The following ZNF385D variants were observed in gnomAD, a reference collection of about 807,000 sequenced individuals.
ZNF385D encodes zinc finger protein 659.
ZNF385D carries 15 observed loss-of-function variants against 35.8 expected under a neutral mutation model. That is an observed-to-expected ratio of 0.42 (90% confidence interval 0.28 to 0.64). ZNF385D has a LOEUF of 0.64. ZNF385D is among the 30% of genes least tolerant of loss of function. The pLI is 0.23. For missense variants in ZNF385D, 474 were observed against 494.6 expected (o/e 0.96, Z 0.39); for synonymous variants, 212 against 186.8 (o/e 1.13, Z -1.10).
chr3:22,303,262 TAA>T (rs1703009144), intron 2 of ZNF385D, among the ~76,000 whole-genome samples: 1 of 152,192 alleles, frequency 6.6e-6, no homozygotes, highest in African/African-American at 2.4e-5. Context: ...TACTTCACAG[TAA>T]ACTGGTTTAC....
At chr3:21,561,007 G>C (rs2062925195) in intron 3 of ZNF385D, among the ~76,000 whole-genome samples, 1 of 152,112 alleles carries the variant, frequency 6.6e-6, no homozygotes, top group Non-Finnish European at 1.5e-5. Context: ...AACCAAGCTG[G>C]AGCATCCCAG....
chr3:22,195,319 A>G (rs1696338794), intron 2 of ZNF385D, among the ~76,000 whole-genome samples: 1 of 151,932 alleles, frequency 6.6e-6, no homozygotes, highest in Non-Finnish European at 1.5e-5. Flanking sequence ...TTGCTGAAGT[A>G]TTTGTTCAAG....
At chr3:21,699,403 G>A (rs1346207808) in intron 1 of ZNF385D, among the ~76,000 whole-genome samples, 1 of 151,828 alleles carries the variant, frequency 6.6e-6, no homozygotes, top group African/African-American at 2.4e-5. Flanking sequence ...CAGGTTGATG[G>A]GTGCAGCAAA....
At chr3:22,193,762 A>G (rs1229640919) in intron 2 of ZNF385D, among the ~76,000 whole-genome samples, 3 of 152,012 alleles carry the variant, frequency 2.0e-5, no homozygotes, top group Non-Finnish European at 4.4e-5. Context: ...TGTGTTTCAT[A>G]TGTTTTGGGA....
chr3:21,569,790 C>T (rs1161876858), intron 2 of ZNF385D, among the ~76,000 whole-genome samples: 1 of 151,304 alleles, frequency 6.6e-6, no homozygotes, highest in East Asian at 2.0e-4. Context: ...TCATCATTCT[C>T]AGTAAACTAT....
intron 1 of ZNF385D, among the ~76,000 whole-genome samples, chr3:21,673,575 C>T (rs947004607): frequency 1.3e-5 from 2 of 152,034 alleles, no homozygotes; most frequent in Non-Finnish European, 2.9e-5. Flanking sequence ...AGCCAGACAC[C>T]GTTGGGACCA....
intron 3 of ZNF385D, among the ~76,000 whole-genome samples, chr3:21,970,457 G>C (rs1327072459): frequency 1.3e-5 from 2 of 150,948 alleles, no homozygotes; most frequent in Admixed American, 1.3e-4. Context: ...TCAAGCAAAA[G>C]AAATAAATAG....
chr3:22,113,035 T>C (rs1702620913), intron 3 of ZNF385D, among the ~76,000 whole-genome samples: 1 of 152,024 alleles, frequency 6.6e-6, no homozygotes, highest in African/African-American at 2.4e-5. Flanking sequence ...TCGGTCGCAT[T>C]TGTGGAAATG....
intron 2 of ZNF385D, among the ~76,000 whole-genome samples, chr3:21,601,881 C>T (rs1157248549): frequency 6.6e-6 from 1 of 152,098 alleles, no homozygotes; most frequent in African/African-American, 2.4e-5. Flanking sequence ...GCACTTTCCC[C>T]AACATTGTCA....
chr3:21,868,589 C>T (rs1322030197), intron 3 of ZNF385D, among the ~76,000 whole-genome samples: 1 of 152,088 alleles, frequency 6.6e-6, no homozygotes, highest in Non-Finnish European at 1.5e-5. Context: ...TGTACTATTA[C>T]CATATCTACC....
intron 3 of ZNF385D, among the ~76,000 whole-genome samples, chr3:21,985,173 G>A (rs1379558525): frequency 5.5e-5 from 5 of 91,188 alleles, no homozygotes; most frequent in East Asian, 2.9e-4. Flanking sequence ...TCTCCTGCCT[G>A]ATTGCCCTGG....
At chr3:22,141,136 G>A (rs192685722) in intron 3 of ZNF385D, among the ~76,000 whole-genome samples, 2 of 152,072 alleles carry the variant, frequency 1.3e-5, no homozygotes, top group African/African-American at 2.4e-5. Context: ...AAACATAAGA[G>A]AGGTTTATAC....
chr3:21,947,076 CAAATGG>C (rs1701826580), intron 3 of ZNF385D, among the ~76,000 whole-genome samples: 1 of 151,872 alleles, frequency 6.6e-6, no homozygotes, highest in Admixed American at 6.6e-5. Flanking sequence ...TAAATTTTTC[CAAATGG>C]AATTTTGGGG....
At chr3:21,434,083 C>T (rs754445169) in intron 5 of ZNF385D, among the ~76,000 whole-genome samples, 2 of 152,052 alleles carry the variant, frequency 1.3e-5, no homozygotes, top group Non-Finnish European at 2.9e-5. Context: ...GAAATAGAAT[C>T]GGAATTAATT....
chr3:21,601,841 C>T (rs1419557470), intron 2 of ZNF385D, among the ~76,000 whole-genome samples: 1 of 152,088 alleles, frequency 6.6e-6, no homozygotes, highest in African/African-American at 2.4e-5. Flanking sequence ...ATTAATAGTA[C>T]TCAGACTTCC....
At chr3:21,545,548 C>T (rs2062341460) in intron 3 of ZNF385D, among the ~76,000 whole-genome samples, 1 of 152,200 alleles carries the variant, frequency 6.6e-6, no homozygotes, top group Non-Finnish European at 1.5e-5. Flanking sequence ...TGCCTGGCTC[C>T]TCTAGAATTT....
rs148129791 is a variant in ZNF385D, at chr3:21,907,781, T to C, written c.326-242753A>G. ...GAAGAAAGGACAATTTTTCCAGTAA[T>C]AGACAATTTTACTACAGATTGTTCA... On this transcript the variant is annotated intron_variant, in intron 3 of 5. Transcript: ENST00000494108. Among the ~76,000 whole-genome samples, 695 of 152,214 alleles carry C rather than the reference T, an allele frequency of 4.6e-3. 8 individuals are homozygous for C. The highest frequency in any genetic ancestry group is 0.015 in the African/African-American group (628 of 41,552).
intron 2 of ZNF385D, among the ~76,000 whole-genome samples, chr3:21,661,048 A>C (rs533455615): frequency 2.0e-4 from 31 of 152,254 alleles, no homozygotes; most frequent in African/African-American, 6.5e-4. Flanking sequence ...ATGTGGATGG[A>C]AATAACTGGG....
intron 2 of ZNF385D, among the ~76,000 whole-genome samples, chr3:21,584,403 C>T (rs13099530): frequency 0.13 from 20,155 of 152,174 alleles, 1,347 homozygotes; most frequent in East Asian, 0.16. Context: ...ACAACAGTAT[C>T]AGTTTTAATT....
Sources: gnomAD v4.1 joint callset for allele counts (sites outside exome capture counted in the v4.1 genomes callset) on GRCh38, gnomAD v4.1.1 for gene constraint, MANE v1.5 for transcripts, NCBI Gene and HGNC (gene_info 2026-07-23, HGNC 2026-07-21) for gene names.